Variants in SLC16A10 observed in about 807,000 individuals in gnomAD.
SLC16A10 encodes the protein monocarboxylate transporter 10.
SLC16A10 carries 27 observed loss-of-function variants against 40.0 expected under a neutral mutation model. The observed-to-expected ratio is 0.67, with a 90% CI of 0.50 to 0.93. The LOEUF is 0.93. Ranked by LOEUF, SLC16A10 falls within the 40% of genes least tolerant of loss-of-function variation. The pLI is 0.00. For missense variants in SLC16A10, 529 were observed against 658.2 expected, an observed-to-expected ratio of 0.80 and a Z score of 2.15; for synonymous variants, 213 against 249.8, an observed-to-expected ratio of 0.85 and a Z score of 1.39.
At chr6:111,158,576 C>A (rs749048950) in intron 1 of SLC16A10, among the ~76,000 whole-genome samples, 1 of 152,196 alleles carries the variant, frequency 6.6e-6, no homozygotes. Flanking sequence ...TGCTCGCTCA[C>A]CTACCACTCA....
intron 1 of SLC16A10, among the ~76,000 whole-genome samples, chr6:111,139,330 T>C (rs1173369739): frequency 1.3e-5 from 2 of 152,120 alleles, no homozygotes; most frequent in Non-Finnish European, 2.9e-5. Flanking sequence ...TGAGACAGCA[T>C]CTCGCTCTGT....
intron 1 of SLC16A10, among the ~76,000 whole-genome samples, chr6:111,165,022 C>T (rs1772445678): frequency 6.6e-6 from 1 of 152,014 alleles, no homozygotes; most frequent in African/African-American, 2.4e-5. Context: ...CTTTTTTATA[C>T]AAACATCACA....
At chr6:111,149,415 G>A (rs1772134343) in intron 1 of SLC16A10, among the ~76,000 whole-genome samples, 1 of 152,190 alleles carries the variant, frequency 6.6e-6, no homozygotes, top group African/African-American at 2.4e-5. Context: ...TAGGCTGTTT[G>A]ATAGGTAGTT....
At chr6:111,096,416 C>G (rs1311030174) in intron 1 of SLC16A10, among the ~76,000 whole-genome samples, 9 of 152,316 alleles carry the variant, frequency 5.9e-5, no homozygotes, top group Non-Finnish European at 1.0e-4. Flanking sequence ...GCCACCCACG[C>G]AGGGACTGTG....
At chr6:111,139,222 G>T (rs1771938042) in intron 1 of SLC16A10, among the ~76,000 whole-genome samples, 1 of 151,580 alleles carries the variant, frequency 6.6e-6, no homozygotes, top group South Asian at 2.1e-4. Flanking sequence ...TACTGCAAAA[G>T]ACATGACCTT....
intron 1 of SLC16A10, among the ~76,000 whole-genome samples, chr6:111,102,445 G>A (rs1771206678): frequency 6.6e-6 from 1 of 152,024 alleles, no homozygotes; most frequent in South Asian, 2.1e-4. Flanking sequence ...CCCAGTTTTT[G>A]AGCCCTTTAG....
chr6:111,106,710 G>A (rs1300601165), intron 1 of SLC16A10, among the ~76,000 whole-genome samples: 1 of 152,212 alleles, frequency 6.6e-6, no homozygotes, highest in East Asian at 1.9e-4. Flanking sequence ...GCTTTTCTAA[G>A]CTTAATGATA....
In SLC16A10 at chr6:111,177,559, C is replaced by CA. The variant is rs1207703215; in HGVS notation, c.844dup (p.Ile282AsnfsTer39). The CA allele has an allele frequency of 2.5e-6, 4 of 1,610,294 alleles. No individual in the cohort carries two copies. Among genetic ancestry groups the CA allele is most frequent in the East Asian group, 2.2e-5 (1 of 44,860 alleles). The stretch of plus-strand genomic sequence containing the variant: ...TTTTCCAGGAAAAAGTTCAGTCCTC[C>CA]AAAAAAAATTTTCAATTTTGCCATC... On this transcript the variant is annotated frameshift_variant, in exon 3 of 6. Coordinates refer to ENST00000368851, the MANE Select transcript of SLC16A10 (RefSeq NM_018593.5). LOFTEE classifies it high-confidence loss of function.
intron 3 of SLC16A10, chr6:111,178,459 G>T: frequency 1.9e-6 from 1 of 530,736 alleles, no homozygotes. Flanking sequence ...ACTGGGGTTG[G>T]TGCCTCACGC....
intron 1 of SLC16A10, among the ~76,000 whole-genome samples, chr6:111,121,711 A>G (rs1771587027): frequency 6.6e-6 from 1 of 152,166 alleles, no homozygotes; most frequent in African/African-American, 2.4e-5. Context: ...TTTCCATGTT[A>G]TAGCAGAGAA....
At chr6:111,093,062 AAAAAAAG>A (rs1356685092) in intron 1 of SLC16A10, among the ~76,000 whole-genome samples, 7 of 149,668 alleles carry the variant, frequency 4.7e-5, no homozygotes, top group Admixed American at 1.3e-4. Flanking sequence ...AAAAGAAAAG[AAAAAAAG>A]AAAAAAGAAA....
intron 4 of SLC16A10, among the ~76,000 whole-genome samples, chr6:111,207,154 G>A (rs751831661): frequency 1.7e-4 from 26 of 152,200 alleles, no homozygotes; most frequent in Non-Finnish European, 2.9e-4. Context: ...TCTATAGGCA[G>A]TTTTTCAAGG....
chr6:111,198,602 A>G (rs1215772440), intron 3 of SLC16A10, among the ~76,000 whole-genome samples: 1 of 152,258 alleles, frequency 6.6e-6, no homozygotes, highest in Non-Finnish European at 1.5e-5. Context: ...GGCAGTTGTA[A>G]CACATGGTAT....
chr6:111,206,868 G>A lies in SLC16A10; in HGVS notation c.1086+133G>A, dbSNP rs1278895917. On this transcript the variant is annotated intron_variant, in intron 4 of 5. Transcript: ENST00000368851. Reference sequence around the variant, plus strand: ...TTTGAGATGGAGTTTCGCTCTTATTGCCCAGGCTGGAGTGCAATGGCACGA... The same window carrying A: ...TTTGAGATGGAGTTTCGCTCTTATTACCCAGGCTGGAGTGCAATGGCACGA... 3.4e-6 allele frequency: 4 copies of A among 1,163,166 alleles called. No homozygotes were observed. The African/African-American group carries it at 6.3e-5, about 18-fold the overall frequency. The allele number at this position is 1,163,166 out of a possible 1,614,324, so 72.1% of individuals were successfully genotyped here.
intron 5 of SLC16A10, among the ~76,000 whole-genome samples, chr6:111,220,453 T>C (rs1223723334): frequency 4.6e-5 from 7 of 152,240 alleles, no homozygotes; most frequent in Non-Finnish European, 1.0e-4. Context: ...ATAAATATGA[T>C]AAAATTTAAA....
intron 1 of SLC16A10, among the ~76,000 whole-genome samples, chr6:111,116,964 C>T (rs1266969401): frequency 6.6e-6 from 1 of 152,068 alleles, no homozygotes. Context: ...TTTAGCAGTA[C>T]ATGTATTGAT....
At chr6:111,138,517 A>G (rs1416522948) in intron 1 of SLC16A10, among the ~76,000 whole-genome samples, 2 of 152,244 alleles carry the variant, frequency 1.3e-5, no homozygotes, top group East Asian at 3.8e-4. Context: ...GAATTTCTTA[A>G]TATTTGTAAA....
rs72939536 is a variant in SLC16A10 at position 111,125,534 on chromosome 6, G to A, written c.343+37439G>A. On this transcript the variant is annotated intron_variant, in intron 1 of 5. Transcript: ENST00000368851. The stretch of plus-strand genomic sequence containing the variant: ...TGTTCTATCCACATCTCATCAAACC[G>A]CCCCTGAAATTCCCTTGCCTCTGTT... Among the ~76,000 whole-genome samples the A allele has an allele frequency of 6.9e-3, 1,054 of 152,070 alleles. 10 individuals carry two copies. The highest frequency in any genetic ancestry group is 0.011 in the Non-Finnish European group (738 of 67,988).
intron 1 of SLC16A10, among the ~76,000 whole-genome samples, chr6:111,144,352 C>T (rs1170376044): frequency 3.9e-5 from 6 of 152,008 alleles, no homozygotes; most frequent in African/African-American, 1.2e-4. Context: ...TACAGGCACA[C>T]GCTGCTATGC....
Sources: gnomAD v4.1 joint callset for allele counts (sites outside exome capture counted in the v4.1 genomes callset) on GRCh38, gnomAD v4.1.1 for gene constraint, MANE v1.5 for transcripts, NCBI Gene and HGNC (gene_info 2026-07-23, HGNC 2026-07-21) for gene names.